Variants in ST18 observed in about 807,000 individuals in gnomAD.
The protein encoded by ST18 is suppression of tumorigenicity 18 protein.
Under a neutral mutation model 110.0 loss-of-function variants are expected in ST18, and 50 were observed. That is an observed-to-expected ratio of 0.45 (90% CI 0.36 to 0.58). The LOEUF (loss-of-function observed/expected upper bound fraction) is 0.58, where lower values mean the gene tolerates loss of function less well. ST18 is among the 20% of genes least tolerant of loss of function. ST18 has a pLI of 0.00. For synonymous variants in ST18, 461 were observed against 452.4 expected (o/e 1.02, Z -0.24); for missense variants, 1,306 against 1,280.1 (o/e 1.02, Z -0.31).
intron 10 of ST18, 177 bp downstream of exon 10, chr8:52,171,615 G>T: frequency 1.3e-6 from 1 of 743,332 alleles, no homozygotes; most frequent in Non-Finnish European, 2.3e-6. Context: ...AGCTTGATTG[G>T]AGGATAATCT....
intron 2 of ST18, among the ~76,000 whole-genome samples, chr8:52,314,025 T>C (rs1255889647): frequency 1.3e-5 from 2 of 152,092 alleles, no homozygotes; most frequent in African/African-American, 4.8e-5. Flanking sequence ...CCAGCGCAGC[T>C]CTCAAGCCAA....
chr8:52,409,432 A>C lies in ST18; in HGVS notation c.-569T>G, dbSNP rs1845646371. On this transcript the variant is annotated 5_prime_UTR_variant, in exon 2 of 26. It removes an upstream start codon present in the reference 5' UTR. Transcript: ENST00000689386. ...TCTTAGGATTTCTCCACGCTGCCCC[A>C]TTCAGAAATTTTATTATTTTCTAAA... 1 of 152,222 alleles carries C rather than the reference A, an allele frequency of 6.6e-6. No individual in the cohort carries two copies. The highest frequency in any genetic ancestry group is 2.1e-4 in the South Asian group (1 of 4,832). 9.4% of individuals were successfully genotyped at this position (152,222 alleles called of 1,614,324 possible).
intron 2 of ST18, among the ~76,000 whole-genome samples, chr8:52,374,828 C>T (rs772931917): frequency 6.6e-6 from 1 of 152,148 alleles, no homozygotes; most frequent in Non-Finnish European, 1.5e-5. Flanking sequence ...ATAATGATTT[C>T]CAGCTTCATC....
chr8:52,281,170 T>G (rs979095596), intron 2 of ST18, among the ~76,000 whole-genome samples: 2 of 152,142 alleles, frequency 1.3e-5, no homozygotes, highest in African/African-American at 4.8e-5. Context: ...TAGGAAATGT[T>G]CTCTACTTAG....
chr8:52,175,136 G>A (rs1474528483), intron 9 of ST18, among the ~76,000 whole-genome samples: 4 of 152,130 alleles, frequency 2.6e-5, no homozygotes, highest in East Asian at 1.9e-4. Flanking sequence ...TGGCACCACC[G>A]TAGGCACATT....
intron 6 of ST18, among the ~76,000 whole-genome samples, chr8:52,215,762 A>G (rs1399972955): frequency 6.6e-6 from 1 of 152,200 alleles, no homozygotes; most frequent in Non-Finnish European, 1.5e-5. Flanking sequence ...TTTATGACAG[A>G]TGTGACACTG....
chr8:52,228,673 G>T (rs556564773), intron 3 of ST18, among the ~76,000 whole-genome samples: 2 of 152,256 alleles, frequency 1.3e-5, no homozygotes, highest in Non-Finnish European at 2.9e-5. Flanking sequence ...TACCATGCCT[G>T]TGGGGAAGTA....
At chr8:52,388,874 G>T in intron 2 of ST18, among the ~76,000 whole-genome samples, 1 of 148,840 alleles carries the variant, frequency 6.7e-6, no homozygotes, top group East Asian at 2.0e-4. Flanking sequence ...TAAATGATGA[G>T]TTAATGGGTG....
chr8:52,230,481 G>T (rs1231415705), intron 2 of ST18, among the ~76,000 whole-genome samples: 1 of 151,420 alleles, frequency 6.6e-6, no homozygotes, highest in African/African-American at 2.4e-5. Context: ...GGAACAGCCC[G>T]CACGGCAGCT....
intron 2 of ST18, among the ~76,000 whole-genome samples, chr8:52,237,684 A>G (rs1344914717): frequency 6.6e-6 from 1 of 152,264 alleles, no homozygotes; most frequent in African/African-American, 2.4e-5. Flanking sequence ...AATAATAAAT[A>G]TGCAATGCAG....
chr8:52,218,873 G>T (rs2085493048), intron 5 of ST18, among the ~76,000 whole-genome samples: 1 of 142,696 alleles, frequency 7.0e-6, no homozygotes, highest in Non-Finnish European at 1.5e-5. Context: ...TCACAGCAAT[G>T]GTGGGAGGAA....
intron 2 of ST18, among the ~76,000 whole-genome samples, chr8:52,300,739 C>T (rs2095707918): frequency 6.6e-6 from 1 of 152,190 alleles, no homozygotes; most frequent in African/African-American, 2.4e-5. Context: ...CTGTCACTGG[C>T]TGCTTTCATG....
At chr8:52,395,007 TGGCAAGGA>T (rs1290777107) in intron 2 of ST18, among the ~76,000 whole-genome samples, 3 of 152,192 alleles carry the variant, frequency 2.0e-5, no homozygotes, top group African/African-American at 7.2e-5. Flanking sequence ...CAGAACCATA[TGGCAAGGA>T]GGCCGGAAAG....
chr8:52,122,387 A>G (rs1371057321), intron 23 of ST18, among the ~76,000 whole-genome samples: 1 of 152,098 alleles, frequency 6.6e-6, no homozygotes, highest in African/African-American at 2.4e-5. Flanking sequence ...TTTAAGTACT[A>G]TAGTTATGTT....
intron 2 of ST18, among the ~76,000 whole-genome samples, chr8:52,402,967 C>T (rs936000660): frequency 6.6e-6 from 1 of 152,152 alleles, no homozygotes; most frequent in African/African-American, 2.4e-5. Context: ...GCCATAAGGG[C>T]TTGGATACCA....
intron 2 of ST18, among the ~76,000 whole-genome samples, chr8:52,319,591 T>G (rs1422881551): frequency 6.6e-6 from 1 of 152,232 alleles, no homozygotes; most frequent in Non-Finnish European, 1.5e-5. Flanking sequence ...TAGTAATTCT[T>G]TAGTTACTAG....
chr8:52,114,087 A>G (rs1372050551), intron 25 of ST18, among the ~76,000 whole-genome samples: 1 of 143,378 alleles, frequency 7.0e-6, no homozygotes, highest in East Asian at 2.2e-4. Flanking sequence ...CTCCTGCCTC[A>G]GCCCCCCAAG....
chr8:52,351,324 C>T (rs1217243450), intron 2 of ST18, among the ~76,000 whole-genome samples: 1 of 152,142 alleles, frequency 6.6e-6, no homozygotes, highest in Non-Finnish European at 1.5e-5. Flanking sequence ...GTGCTGTCTT[C>T]ACTGAATCTG....
intron 2 of ST18, among the ~76,000 whole-genome samples, chr8:52,343,033 C>T (rs1231689987): frequency 1.3e-5 from 2 of 152,078 alleles, no homozygotes; most frequent in African/African-American, 4.8e-5. Context: ...AATAGAATGA[C>T]TCAAAATGTC....
Sources: allele counts gnomAD v4.1 joint callset (sites outside exome capture counted in the v4.1 genomes callset), GRCh38; gene constraint gnomAD v4.1.1; transcripts MANE v1.5; gene names NCBI Gene and HGNC (gene_info 2026-07-23, HGNC 2026-07-21).